The following ITGBL1 variants were observed in gnomAD, a reference collection of about 807,000 sequenced individuals.
The protein encoded by ITGBL1 is integrin beta-like protein 1.
A neutral mutation model predicts 68.5 loss-of-function variants in ITGBL1; 51 were observed. The ratio of observed to expected loss-of-function variants is 0.74; its 90% confidence interval spans 0.59 to 0.94. The LOEUF is 0.94. Ranked by LOEUF, ITGBL1 falls within the 40% of genes least tolerant of loss-of-function variation. The probability of loss-of-function intolerance (pLI) is 0.00; values close to 1 mark genes in which losing one functional copy is unlikely to be tolerated. For synonymous variants in ITGBL1, 209 were observed against 227.3 expected, an observed-to-expected ratio of 0.92 and a Z score of 0.72; for missense variants, 649 against 647.4, an observed-to-expected ratio of 1.00 and a Z score of -0.03.
intron 7 of ITGBL1, among the ~76,000 whole-genome samples, chr13:101,654,332 A>C (rs568995030): frequency 6.6e-6 from 1 of 152,318 alleles, no homozygotes; most frequent in Admixed American, 6.5e-5. Context: ...TTGAGAGATC[A>C]CTGTGGCTGC....
At chr13:101,633,048 G>A (rs1594942986) in intron 7 of ITGBL1, among the ~76,000 whole-genome samples, 1 of 152,304 alleles carries the variant, frequency 6.6e-6, no homozygotes, top group East Asian at 1.9e-4. Context: ...TGCTGGTCCA[G>A]GATAGATGAG....
At chr13:101,641,351 TA>T (rs1374205462) in intron 7 of ITGBL1, among the ~76,000 whole-genome samples, 2 of 152,070 alleles carry the variant, frequency 1.3e-5, no homozygotes, top group Admixed American at 1.3e-4. Context: ...TATTTCTTTT[TA>T]TTTTTTTGCA....
intron 5 of ITGBL1, among the ~76,000 whole-genome samples, chr13:101,581,428 A>C (rs548823459): frequency 6.6e-6 from 1 of 152,094 alleles, no homozygotes; most frequent in African/African-American, 2.4e-5. Flanking sequence ...CTCCTTTTAC[A>C]TTTTGGTACA....
At chr13:101,463,439 G>A (rs2048342901) in intron 2 of ITGBL1, among the ~76,000 whole-genome samples, 1 of 152,074 alleles carries the variant, frequency 6.6e-6, no homozygotes, top group African/African-American at 2.4e-5. Context: ...CTCAGAACCT[G>A]CCTTTTGTGT....
At chr13:101,677,211 G>T (rs1032604352) in intron 7 of ITGBL1, among the ~76,000 whole-genome samples, 1 of 152,170 alleles carries the variant, frequency 6.6e-6, no homozygotes, top group Non-Finnish European at 1.5e-5. Context: ...GGGGGAAAAA[G>T]AAGAAAGCAG....
intron 2 of ITGBL1, among the ~76,000 whole-genome samples, chr13:101,532,057 C>T (rs1481755151): frequency 6.6e-6 from 1 of 152,006 alleles, no homozygotes; most frequent in African/African-American, 2.4e-5. Flanking sequence ...TTAATTTACT[C>T]TCCAATATTC....
intron 7 of ITGBL1, among the ~76,000 whole-genome samples, chr13:101,657,879 C>T (rs2032976968): frequency 6.6e-6 from 1 of 152,114 alleles, no homozygotes; most frequent in Non-Finnish European, 1.5e-5. Flanking sequence ...GCAAGGGTCC[C>T]CAGCCCTCAC....
intron 7 of ITGBL1, among the ~76,000 whole-genome samples, chr13:101,647,679 A>G (rs1003910093): frequency 6.6e-6 from 1 of 152,138 alleles, no homozygotes; most frequent in Non-Finnish European, 1.5e-5. Flanking sequence ...AGAAGAGAAG[A>G]TGTCAGAACT....
At chr13:101,479,768 C>A (rs530828823) in intron 2 of ITGBL1, among the ~76,000 whole-genome samples, 10 of 152,016 alleles carry the variant, frequency 6.6e-5, no homozygotes, top group South Asian at 6.2e-4. Flanking sequence ...TATCGTTTCA[C>A]CCCAGTTAAA....
At chr13:101,598,324 C>A (rs1228272774) in intron 7 of ITGBL1, 25 bp downstream of exon 7, 1 of 1,544,326 alleles carries the variant, frequency 6.5e-7, no homozygotes, top group African/African-American at 1.4e-5. Flanking sequence ...TCAGGGCTTC[C>A]CACGGCCTCT....
chr13:101,606,501 A>C (rs150576920), intron 7 of ITGBL1, among the ~76,000 whole-genome samples: 2 of 151,958 alleles, frequency 1.3e-5, no homozygotes, highest in Non-Finnish European at 2.9e-5. Flanking sequence ...CTCAAAAACT[A>C]TAATGGCTTA....
chr13:101,529,729 T>C (rs933340944), intron 2 of ITGBL1, among the ~76,000 whole-genome samples: 3 of 152,094 alleles, frequency 2.0e-5, no homozygotes, highest in Non-Finnish European at 1.5e-5. Context: ...GGTTTAAAAG[T>C]GGCACTTCTG....
At chr13:101,598,880 G>A (rs1025436632) in intron 7 of ITGBL1, among the ~76,000 whole-genome samples, 1 of 152,104 alleles carries the variant, frequency 6.6e-6, no homozygotes, top group Non-Finnish European at 1.5e-5. Flanking sequence ...ATTGTGAATA[G>A]TGCCGCAATA....
intron 8 of ITGBL1, among the ~76,000 whole-genome samples, chr13:101,700,359 C>T (rs1243771303): frequency 6.6e-6 from 1 of 152,196 alleles, no homozygotes; most frequent in African/African-American, 2.4e-5. Flanking sequence ...TTGTGTCCCA[C>T]ATATACAGGC....
At chr13:101,485,014 C>T (rs1025976494) in intron 2 of ITGBL1, among the ~76,000 whole-genome samples, 4 of 151,902 alleles carry the variant, frequency 2.6e-5, no homozygotes, top group Admixed American at 6.6e-5. Flanking sequence ...TACAGAGGAA[C>T]GAAAATAAGG....
At chr13:101,561,399 G>A (rs953689287) in intron 2 of ITGBL1, among the ~76,000 whole-genome samples, 1 of 152,110 alleles carries the variant, frequency 6.6e-6, no homozygotes, top group African/African-American at 2.4e-5. Flanking sequence ...TCACTGTCGG[G>A]GAAAGGGTAA....
intron 7 of ITGBL1, among the ~76,000 whole-genome samples, chr13:101,679,299 T>G (rs905615655): frequency 5.3e-5 from 8 of 152,354 alleles, no homozygotes; most frequent in African/African-American, 1.9e-4. Context: ...TGTGTGTCCT[T>G]CAGCATTTAT....
At chr13:101,648,246 A>C (rs2032629124) in intron 7 of ITGBL1, among the ~76,000 whole-genome samples, 1 of 152,244 alleles carries the variant, frequency 6.6e-6, no homozygotes, top group Admixed American at 6.5e-5. Flanking sequence ...TAGGAAATAC[A>C]GATGATAGAA....
chr13:101,657,015 T>C (rs2032949064), intron 7 of ITGBL1, among the ~76,000 whole-genome samples: 1 of 152,054 alleles, frequency 6.6e-6, no homozygotes, highest in Non-Finnish European at 1.5e-5. Context: ...TGCAGGTTAG[T>C]TACATATGTA....
Sources: gnomAD v4.1 joint callset for allele counts (sites outside exome capture counted in the v4.1 genomes callset) on GRCh38, gnomAD v4.1.1 for gene constraint, MANE v1.5 for transcripts, NCBI Gene and HGNC (gene_info 2026-07-23, HGNC 2026-07-21) for gene names.